SPAG16: variants seen among roughly 807,000 people sequenced by gnomAD.
The protein encoded by SPAG16 is sperm-associated antigen 16 protein.
In SPAG16, 86 loss-of-function variants were observed where a neutral mutation model predicts 80.4. The observed-to-expected ratio is 1.07, with a 90% CI of 0.90 to 1.28. The LOEUF (loss-of-function observed/expected upper bound fraction) is 1.28. Ranked by LOEUF, SPAG16 falls within the 50% of genes most tolerant of loss-of-function variation. SPAG16 has a pLI of 0.00. For missense variants in SPAG16, 870 were observed against 765.3 expected (o/e 1.14, Z -1.61); for synonymous variants, 294 against 265.9 (o/e 1.11, Z -1.03).
intron 15 of SPAG16, among the ~76,000 whole-genome samples, chr2:214,243,769 T>A (rs557997422): frequency 3.3e-4 from 51 of 152,268 alleles, no homozygotes; most frequent in South Asian, 8.3e-4. Flanking sequence ...TTAAATTGTG[T>A]TATGAAATAT....
chr2:213,770,310 T>G (rs2069172691), intron 10 of SPAG16, among the ~76,000 whole-genome samples: 1 of 152,118 alleles, frequency 6.6e-6, no homozygotes, highest in South Asian at 2.1e-4. Flanking sequence ...GTGGAATTGC[T>G]AGGCATCATG....
chr2:214,229,508 G>T (rs947856068), intron 15 of SPAG16, among the ~76,000 whole-genome samples: 2 of 151,680 alleles, frequency 1.3e-5, no homozygotes, highest in Non-Finnish European at 2.9e-5. Context: ...ATGTGTATGT[G>T]TGTATATATA....
chr2:214,116,051 G>A (rs970777264), intron 14 of SPAG16, among the ~76,000 whole-genome samples: 3 of 152,080 alleles, frequency 2.0e-5, no homozygotes, highest in East Asian at 1.9e-4. Context: ...CAGCACCCAC[G>A]TAGCTGATCT....
chr2:214,079,340 T>C (rs1033955697), intron 13 of SPAG16, among the ~76,000 whole-genome samples: 4 of 152,232 alleles, frequency 2.6e-5, no homozygotes, highest in African/African-American at 9.6e-5. Context: ...CTAAATTATA[T>C]ATCAATGCCC....
intron 10 of SPAG16, among the ~76,000 whole-genome samples, chr2:213,721,846 T>TC (rs1430118246): frequency 2.0e-5 from 3 of 152,214 alleles, no homozygotes; most frequent in African/African-American, 7.2e-5. Flanking sequence ...TCACACATTT[T>TC]CCCTGGGAGC....
intron 15 of SPAG16, among the ~76,000 whole-genome samples, chr2:214,237,505 T>C (rs1357813904): frequency 6.6e-6 from 1 of 152,128 alleles, no homozygotes; most frequent in Non-Finnish European, 1.5e-5. Flanking sequence ...GATTTTTGTT[T>C]CAAAAATTTA....
chr2:213,723,112 G>A (rs562804318), intron 10 of SPAG16, among the ~76,000 whole-genome samples: 12 of 152,134 alleles, frequency 7.9e-5, no homozygotes, highest in South Asian at 2.1e-4. Flanking sequence ...CCTCCAGCCC[G>A]GATTTTCTCC....
At chr2:213,626,189 C>T (rs369208144) in intron 10 of SPAG16, among the ~76,000 whole-genome samples, 1 of 151,914 alleles carries the variant, frequency 6.6e-6, no homozygotes, top group South Asian at 2.1e-4. Flanking sequence ...AAATCAGAAA[C>T]CAGAAGATTC....
chr2:214,132,758 A>G (rs1439761850), intron 14 of SPAG16, among the ~76,000 whole-genome samples: 1 of 152,212 alleles, frequency 6.6e-6, no homozygotes, highest in Non-Finnish European at 1.5e-5. Context: ...ATAGGCAGGA[A>G]GGAGGCAGGT....
intron 10 of SPAG16, among the ~76,000 whole-genome samples, chr2:213,595,309 A>T (rs2060848923): frequency 6.6e-6 from 1 of 152,110 alleles, no homozygotes; most frequent in Admixed American, 6.5e-5. Context: ...TTGTGGTGAA[A>T]ATTTTAATAT....
chr2:213,620,394 G>A (rs553477345), intron 10 of SPAG16, among the ~76,000 whole-genome samples: 13 of 133,972 alleles, frequency 9.7e-5, no homozygotes, highest in Admixed American at 8.7e-4. Context: ...CCAAGTTCAC[G>A]CCATTCTCCT....
chr2:213,597,268 G>A (rs1300600667), intron 10 of SPAG16, among the ~76,000 whole-genome samples: 2 of 152,074 alleles, frequency 1.3e-5, no homozygotes, highest in Non-Finnish European at 2.9e-5. Context: ...GTATTTTGCT[G>A]GTCACTGGAG....
intron 14 of SPAG16, among the ~76,000 whole-genome samples, chr2:214,109,122 A>G (rs1450094159): frequency 2.0e-5 from 3 of 152,152 alleles, no homozygotes; most frequent in Admixed American, 2.0e-4. Flanking sequence ...CACAGCACAA[A>G]GGCCTTCATG....
At chr2:213,986,749 C>T (rs1007493298) in intron 12 of SPAG16, among the ~76,000 whole-genome samples, 5 of 151,478 alleles carry the variant, frequency 3.3e-5, no homozygotes, top group African/African-American at 4.8e-5. Flanking sequence ...CTTATTACTA[C>T]GTTGTGAAGT....
intron 10 of SPAG16, among the ~76,000 whole-genome samples, chr2:213,545,550 C>G (rs1217447216): frequency 2.0e-5 from 3 of 152,054 alleles, no homozygotes; most frequent in Non-Finnish European, 2.9e-5. Flanking sequence ...CCTAGGTCAT[C>G]TAGATTTTCT....
chr2:213,343,117 C>T (rs2064784488), intron 6 of SPAG16, among the ~76,000 whole-genome samples: 1 of 152,080 alleles, frequency 6.6e-6, no homozygotes, highest in South Asian at 2.1e-4. Context: ...GATGAGAGAA[C>T]ATGAAGCCTG....
intron 15 of SPAG16, among the ~76,000 whole-genome samples, chr2:214,316,698 A>G (rs16851749): frequency 0.056 from 8,592 of 152,270 alleles, 802 homozygotes; most frequent in African/African-American, 0.2. Flanking sequence ...TTAAATAAAT[A>G]AGCGTAGTTT....
chr2:213,999,300 A>G lies in SPAG16; in HGVS notation c.1401-14651A>G, dbSNP rs114720107. On this transcript the variant is annotated intron_variant, in intron 12 of 15. Coordinates refer to ENST00000331683, the MANE Select transcript of SPAG16 (RefSeq NM_024532.5). The stretch of plus-strand genomic sequence containing the variant: ...ATCCCAGATGCTCCAGCCATGGCTG[A>G]AAGGGTCCAATGTAGAGCTTGGGCT... 3.5e-3 allele frequency among the ~76,000 whole-genome samples: 538 copies of G among 152,324 alleles called. 2 individuals carry two copies. The highest frequency in any genetic ancestry group is 0.01 in the Middle Eastern group (3 of 294).
intron 15 of SPAG16, among the ~76,000 whole-genome samples, chr2:214,196,408 A>G (rs573016120): frequency 6.6e-6 from 1 of 152,158 alleles, no homozygotes; most frequent in South Asian, 2.1e-4. Context: ...AAACAGAAAA[A>G]CTACCCTAAG....
Sources: allele counts gnomAD v4.1 joint callset (sites outside exome capture counted in the v4.1 genomes callset), GRCh38; gene constraint gnomAD v4.1.1; transcripts MANE v1.5; gene names NCBI Gene and HGNC (gene_info 2026-07-23, HGNC 2026-07-21).